Variants in NIBAN1 observed in about 807,000 individuals in gnomAD.
The protein encoded by NIBAN1 is niban apoptosis regulator 1, also known as protein Niban 1.
In NIBAN1, 81 loss-of-function variants were observed where a neutral mutation model predicts 75.1. The observed-to-expected ratio is 1.08, with a 90% CI of 0.90 to 1.30. NIBAN1 has a LOEUF of 1.30. Among genes scored for constraint, NIBAN1 ranks in the 50% most tolerant of loss-of-function variants. NIBAN1 has a pLI of 0.00. For synonymous variants in NIBAN1, 436 were observed against 424.8 expected, an observed-to-expected ratio of 1.03 and a Z score of -0.32; for missense variants, 1,133 against 1,128.1, an observed-to-expected ratio of 1.00 and a Z score of -0.06.
chr1:184,959,913 C>T (rs1658585561), intron 1 of NIBAN1, among the ~76,000 whole-genome samples: 1 of 152,174 alleles, frequency 6.6e-6, no homozygotes, highest in Non-Finnish European at 1.5e-5. Context: ...AGAAAATAAG[C>T]TTTTACTTGT....
At chr1:184,900,808 G>A (rs1027311852) in intron 1 of NIBAN1, among the ~76,000 whole-genome samples, 4 of 152,178 alleles carry the variant, frequency 2.6e-5, no homozygotes, top group African/African-American at 9.7e-5. Flanking sequence ...GCTCGTAAGC[G>A]ATGAGTCCGC....
At chr1:184,917,952 C>G (rs186796015) in intron 1 of NIBAN1, among the ~76,000 whole-genome samples, 1 of 152,292 alleles carries the variant, frequency 6.6e-6, no homozygotes, top group African/African-American at 2.4e-5. Flanking sequence ...GTCACTCTTT[C>G]CCTTAAAAAC....
chr1:184,953,720 A>C (rs1658416254), intron 1 of NIBAN1, among the ~76,000 whole-genome samples: 1 of 152,226 alleles, frequency 6.6e-6, no homozygotes, highest in Admixed American at 6.5e-5. Context: ...ACGCCTCAGG[A>C]GTTTCTCGTG....
intron 1 of NIBAN1, among the ~76,000 whole-genome samples, chr1:184,926,951 C>T (rs1657699646): frequency 1.3e-5 from 2 of 152,098 alleles, no homozygotes; most frequent in Admixed American, 1.3e-4. Context: ...GACTTTGATG[C>T]ATTCTTCAGT....
At chr1:184,878,746 T>C (rs774140539) in intron 5 of NIBAN1, among the ~76,000 whole-genome samples, 37 of 152,180 alleles carry the variant, frequency 2.4e-4, no homozygotes, top group Non-Finnish European at 4.8e-4. Flanking sequence ...AAAGTAACAC[T>C]GAGAAGACAA....
At chr1:184,924,067 T>G (rs1187506379) in intron 1 of NIBAN1, among the ~76,000 whole-genome samples, 1 of 152,168 alleles carries the variant, frequency 6.6e-6, no homozygotes, top group Non-Finnish European at 1.5e-5. Flanking sequence ...GCCTTTTATT[T>G]CTTTCTCTTG....
chr1:184,798,226 G>C (rs1653931384), intron 12 of NIBAN1, 36 bp from the exon 13 acceptor site: 1 of 1,334,032 alleles, frequency 7.5e-7, no homozygotes. Flanking sequence ...AAGATGAAAA[G>C]GCATGAGATG....
chr1:184,906,035 T>G (rs1469280174), intron 1 of NIBAN1, among the ~76,000 whole-genome samples: 1 of 147,170 alleles, frequency 6.8e-6, no homozygotes, highest in Non-Finnish European at 1.5e-5. Flanking sequence ...TGCAGGAGTT[T>G]GAAACTAGCC....
intron 1 of NIBAN1, among the ~76,000 whole-genome samples, chr1:184,938,151 A>G (rs983393721): frequency 6.6e-6 from 1 of 152,222 alleles, no homozygotes; most frequent in African/African-American, 2.4e-5. Flanking sequence ...ATTTGCACAG[A>G]TATGTCAAGA....
chr1:184,950,233 C>T (rs969839527), intron 1 of NIBAN1, among the ~76,000 whole-genome samples: 22 of 151,682 alleles, frequency 1.5e-4, no homozygotes, highest in Admixed American at 1.2e-3. Context: ...ATTATCTTAA[C>T]GATGAACAAG....
chr1:184,833,516 T>A (rs1557881522), intron 5 of NIBAN1, among the ~76,000 whole-genome samples: 1 of 151,966 alleles, frequency 6.6e-6, no homozygotes, highest in Non-Finnish European at 1.5e-5. Flanking sequence ...AAGACGAGCC[T>A]GGGCAACATA....
chr1:184,825,915 C>G (rs1332815520), intron 6 of NIBAN1, among the ~76,000 whole-genome samples: 2 of 152,202 alleles, frequency 1.3e-5, no homozygotes, highest in Non-Finnish European at 2.9e-5. Flanking sequence ...AATAACTGAC[C>G]TCCTCCTTTC....
chr1:184,941,371 C>T (rs765521812), intron 1 of NIBAN1, among the ~76,000 whole-genome samples: 4 of 152,040 alleles, frequency 2.6e-5, no homozygotes, highest in African/African-American at 4.8e-5. Flanking sequence ...GTGGGAGAGC[C>T]GGGTGCAGTG....
rs769213100 is a variant in NIBAN1 at position 184,884,800 on chromosome 1, G to T, written c.434C>A (p.Ala145Asp). The T allele has an allele frequency of 2.2e-5, 36 of 1,612,674 alleles. No homozygotes were observed. Among genetic ancestry groups the T allele is most frequent in the Middle Eastern group, 3.3e-4 (2 of 6,066 alleles). The change falls in exon 5 of 14, where the codon GCC (alanine) becomes GAC (aspartate). Residue 145 changes from alanine to aspartate, a missense_variant and splice_region_variant. Physicochemically the swap from Ala to Asp is moderately radical, Grantham distance 126. Coordinates refer to ENST00000367511, the MANE Select transcript of NIBAN1 (RefSeq NM_052966.4). ...CTGAGTGTTCTCCTTCTCACTGGAGGCTAAAGAAATATTGAAAACACAAAT... is the reference window on the plus strand; with the variant it reads ...CTGAGTGTTCTCCTTCTCACTGGAGTCTAAAGAAATATTGAAAACACAAAT... ...LSDRHFPDPL[A>D]SSEKENTQPF... is the part of the protein sequence containing the mutation.
chr1:184,872,568 A>G (rs1656139342), intron 5 of NIBAN1, among the ~76,000 whole-genome samples: 3 of 152,178 alleles, frequency 2.0e-5, no homozygotes, highest in Admixed American at 1.3e-4. Flanking sequence ...TTAGCTGGGC[A>G]TGGTGGTATA....
At chr1:184,885,969 G>A (rs776675968) in intron 4 of NIBAN1, among the ~76,000 whole-genome samples, 6 of 151,844 alleles carry the variant, frequency 4.0e-5, no homozygotes, top group Admixed American at 3.3e-4. Flanking sequence ...GCTAAGCATC[G>A]GTGCCTGCCC....
rs188171203 is a variant in NIBAN1 at position 184,867,241 on chromosome 1, C to T, written c.601+17392G>A. Among the ~76,000 whole-genome samples the T allele has an allele frequency of 6.6e-5, 10 of 152,038 alleles. No homozygotes were observed. In the East Asian group the frequency reaches 1.9e-3, roughly 29 times the overall value. On this transcript the variant is annotated intron_variant, in intron 5 of 13. Coordinates refer to ENST00000367511, the MANE Select transcript of NIBAN1 (RefSeq NM_052966.4). The stretch of plus-strand genomic sequence containing the variant: ...CAAAAGTGTCTCAGCTATAATATTG[C>T]ATTCACTTAACGAATAGCCTTATTG...
At chr1:184,922,345 C>A (rs925099991) in intron 1 of NIBAN1, among the ~76,000 whole-genome samples, 7 of 152,104 alleles carry the variant, frequency 4.6e-5, no homozygotes, top group African/African-American at 1.7e-4. Context: ...CTTATTCATT[C>A]TATCTAACTA....
rs1175665665 is a variant in NIBAN1, at chr1:184,796,197, ACCCAGCTTACAT to A, written c.1667-112_1667-101del. 56 of 1,296,020 alleles carry A rather than the reference ACCCAGCTTACAT, an allele frequency of 4.3e-5. 1 individual carries two copies. In the East Asian group the frequency reaches 1.4e-3, roughly 33 times the overall value. 80.3% of individuals were successfully genotyped at this position (1,296,020 alleles called of 1,614,324 possible). On this transcript the variant is annotated intron_variant, in intron 13 of 13. Transcript: ENST00000367511. ...GCTATCCAAATTTCTCCATTTCAAG[ACCCAGCTTACAT>A]CCAGGGAGCCTTCCCTGATGACCAA...
Sources: allele counts gnomAD v4.1 joint callset (sites outside exome capture counted in the v4.1 genomes callset), GRCh38; gene constraint gnomAD v4.1.1; transcripts MANE v1.5; gene names NCBI Gene and HGNC (gene_info 2026-07-23, HGNC 2026-07-21).